The following GRM5 variants were observed in gnomAD, a reference collection of about 807,000 sequenced individuals.
GRM5 encodes the protein glutamate metabotropic receptor 5.
A neutral mutation model predicts 83.1 loss-of-function variants in GRM5; 19 were observed. The ratio of observed to expected loss-of-function variants is 0.23; its 90% CI spans 0.16 to 0.34. The LOEUF (loss-of-function observed/expected upper bound fraction) is 0.34. GRM5 is among the 10% of genes least tolerant of loss of function. The pLI, the probability that GRM5 is intolerant of heterozygous loss-of-function variation, is 1.00. For missense variants in GRM5, 1,160 were observed against 1,588.3 expected (o/e 0.73, Z 4.58); for synonymous variants, 675 against 633.6 (o/e 1.07, Z -0.98).
At chr11:88,914,781 C>T (rs989562014) in intron 2 of GRM5, among the ~76,000 whole-genome samples, 2 of 152,052 alleles carry the variant, frequency 1.3e-5, no homozygotes. Flanking sequence ...TTTCCTTTTT[C>T]TTAGCAATCA....
intron 3 of GRM5, 141 bp downstream of exon 3, chr11:88,849,764 AG>A: frequency 1.3e-6 from 1 of 770,764 alleles, no homozygotes; most frequent in Non-Finnish European, 2.2e-6. Flanking sequence ...CTCCAGGCAC[AG>A]GTGCGTTATG....
intron 2 of GRM5, among the ~76,000 whole-genome samples, chr11:88,879,164 T>C (rs926461858): frequency 6.6e-6 from 1 of 152,104 alleles, no homozygotes; most frequent in Non-Finnish European, 1.5e-5. Context: ...AATATTTAAC[T>C]GAGAAGGACT....
intron 3 of GRM5, among the ~76,000 whole-genome samples, chr11:88,761,227 AG>A (rs1179017622): frequency 6.6e-6 from 1 of 152,128 alleles, no homozygotes; most frequent in Non-Finnish European, 1.5e-5. Context: ...AAAGAAATAA[AG>A]GGCATCCAAG....
At chr11:88,803,878 C>T (rs1015215211) in intron 3 of GRM5, among the ~76,000 whole-genome samples, 4 of 152,118 alleles carry the variant, frequency 2.6e-5, no homozygotes, top group African/African-American at 7.2e-5. Context: ...GGGCGAAGGA[C>T]ATGAACAGAT....
At chr11:89,058,029 CT>C (rs2135167747) in intron 1 of GRM5, among the ~76,000 whole-genome samples, 1 of 152,196 alleles carries the variant, frequency 6.6e-6, no homozygotes, top group East Asian at 1.9e-4. Context: ...ATGAATCCAA[CT>C]ATATTTGGCT....
At chr11:88,732,889 T>A (rs965198425) in intron 3 of GRM5, among the ~76,000 whole-genome samples, 1 of 152,020 alleles carries the variant, frequency 6.6e-6, no homozygotes, top group Admixed American at 6.6e-5. Context: ...CAGGACTGAG[T>A]GGCAGGGATA....
chr11:88,967,691 A>G (rs1939029132), intron 2 of GRM5, among the ~76,000 whole-genome samples: 1 of 152,106 alleles, frequency 6.6e-6, no homozygotes, highest in Admixed American at 6.6e-5. Context: ...TGAGTTTCAG[A>G]GGGCATATTC....
chr11:88,583,216 C>G (rs992621129), intron 7 of GRM5, among the ~76,000 whole-genome samples: 1 of 152,024 alleles, frequency 6.6e-6, no homozygotes, highest in Non-Finnish European at 1.5e-5. Context: ...AGTTATAAAA[C>G]CTGCCAGTGG....
At chr11:88,639,727 A>G (rs138640415) in intron 4 of GRM5, among the ~76,000 whole-genome samples, 1 of 152,134 alleles carries the variant, frequency 6.6e-6, no homozygotes, top group African/African-American at 2.4e-5. Context: ...AGCTGGGACT[A>G]CAGGTGCCTG....
At chr11:88,793,050 T>C (rs1943206775) in intron 3 of GRM5, among the ~76,000 whole-genome samples, 1 of 152,072 alleles carries the variant, frequency 6.6e-6, no homozygotes, top group Non-Finnish European at 1.5e-5. Flanking sequence ...TAGCCTTATG[T>C]TTATGATCAC....
chr11:88,699,746 G>A lies in GRM5; in HGVS notation c.912-46343C>T, dbSNP rs368676383. Among the ~76,000 whole-genome samples the A allele has an allele frequency of 0.017, 133 of 7,790 alleles. No homozygotes were observed. In the South Asian group the frequency reaches 0.5, roughly 29 times the overall value. 5.1% of individuals were successfully genotyped at this position (7,790 alleles called of 152,430 possible). A position where few individuals can be genotyped will look rare whatever the true frequency, so the allele number is the denominator to read the frequency against. On this transcript the variant is annotated intron_variant, in intron 3 of 9. Coordinates refer to ENST00000305447, the MANE Select transcript of GRM5 (RefSeq NM_001143831.3). ...ACTAGTAGACACTAATTTGCTGCACGAGCAGAGTGTCCAGGTCTAATGCCA... is the reference window on the plus strand; with the variant it reads ...ACTAGTAGACACTAATTTGCTGCACAAGCAGAGTGTCCAGGTCTAATGCCA...
intron 4 of GRM5, among the ~76,000 whole-genome samples, chr11:88,649,122 TA>T (rs1167173519): frequency 2.1e-5 from 3 of 143,226 alleles, no homozygotes; most frequent in Admixed American, 1.4e-4. Context: ...ATATATGTAA[TA>T]TTTTTATATG....
chr11:88,858,407 A>G (rs115560697), intron 2 of GRM5, among the ~76,000 whole-genome samples: 3,987 of 152,156 alleles, frequency 0.026, 181 homozygotes, highest in African/African-American at 0.089. Context: ...GAATATTGCC[A>G]TAAAAGTACA....
intron 2 of GRM5, among the ~76,000 whole-genome samples, chr11:89,006,965 T>C (rs1273456504): frequency 2.0e-5 from 3 of 152,052 alleles, no homozygotes; most frequent in Non-Finnish European, 4.4e-5. Flanking sequence ...ACCCGGCTAA[T>C]TTTTTGTATT....
At chr11:88,765,287 A>C (rs990149016) in intron 3 of GRM5, among the ~76,000 whole-genome samples, 2 of 151,310 alleles carry the variant, frequency 1.3e-5, no homozygotes, top group Non-Finnish European at 3.0e-5. Context: ...TGATAGCTTC[A>C]TGAGTGAATT....
At chr11:88,550,581 C>T (rs977163739) in intron 8 of GRM5, among the ~76,000 whole-genome samples, 9 of 151,994 alleles carry the variant, frequency 5.9e-5, no homozygotes, top group East Asian at 1.9e-4. Context: ...TGTCTTCAGA[C>T]GTTGACTGGA....
chr11:89,059,880 T>C (rs2135170597), intron 1 of GRM5, among the ~76,000 whole-genome samples: 1 of 152,262 alleles, frequency 6.6e-6, no homozygotes, highest in East Asian at 1.9e-4. Flanking sequence ...CACCTATTGC[T>C]TTTTTTCTAA....
chr11:88,925,632 G>C, intron 2 of GRM5: 5 of 390,644 alleles, frequency 1.3e-5, no homozygotes, highest in South Asian at 7.5e-5. Context: ...GCACTGGCCG[G>C]GTGCTGGGGT....
chr11:88,511,496 A>G (rs1941367772), intron 9 of GRM5, among the ~76,000 whole-genome samples: 2 of 151,996 alleles, frequency 1.3e-5, no homozygotes, highest in Admixed American at 1.3e-4. Flanking sequence ...TTCCTGTGAA[A>G]TTTCTTTCCA....
Sources: gnomAD v4.1 joint callset for allele counts (sites outside exome capture counted in the v4.1 genomes callset) on GRCh38, gnomAD v4.1.1 for gene constraint, MANE v1.5 for transcripts, NCBI Gene and HGNC (gene_info 2026-07-23, HGNC 2026-07-21) for gene names.